Variants in MCPH1 observed in about 807,000 individuals in gnomAD.
MCPH1 encodes the protein microcephalin.
In MCPH1, 104 loss-of-function variants were observed where a neutral mutation model predicts 84.5. The observed-to-expected ratio is 1.23, with a 90% CI of 1.05 to 1.45. The LOEUF is 1.45. Ranked by LOEUF, MCPH1 falls within the 40% of genes most tolerant of loss-of-function variation. MCPH1 has a pLI of 0.00. For synonymous variants in MCPH1, 514 were observed against 366.8 expected, an observed-to-expected ratio of 1.40 and a Z score of -4.58; for missense variants, 1,498 against 1,005.7, an observed-to-expected ratio of 1.49 and a Z score of -6.62.
At chr8:6,471,170 AGCAAAGTACCAG>A (rs1807669553) in intron 9 of MCPH1, among the ~76,000 whole-genome samples, 1 of 152,150 alleles carries the variant, frequency 6.6e-6, no homozygotes, top group Non-Finnish European at 1.5e-5. Context: ...GAACACCGTA[AGCAAAGTACCAG>A]GCTTCTTTCC....
chr8:6,566,131 G>A (rs1826133890), intron 12 of MCPH1, among the ~76,000 whole-genome samples: 1 of 152,224 alleles, frequency 6.6e-6, no homozygotes, highest in South Asian at 2.1e-4. Context: ...CTTTATTCGT[G>A]ATACTGAAAT....
At chr8:6,569,595 G>A (rs1826492468) in intron 12 of MCPH1, among the ~76,000 whole-genome samples, 1 of 152,194 alleles carries the variant, frequency 6.6e-6, no homozygotes. Flanking sequence ...AGGTAGCTTT[G>A]GTCCCTATAA....
In MCPH1 at chr8:6,409,224, G is replaced by A; in HGVS notation, c.23-55G>A. ...AATGTAAATAGAACAAAATCTATTG[G>A]GCAGGGGATGCTGGAATTTCAAATG... On this transcript the variant is annotated intron_variant, in intron 1 of 13. Coordinates refer to ENST00000344683, the MANE Select transcript of MCPH1 (RefSeq NM_024596.5). 8 of 1,399,964 alleles carry A rather than the reference G, an allele frequency of 5.7e-6. No homozygotes were observed. In the South Asian group the frequency reaches 6.9e-5, roughly 12 times the overall value. 86.7% of individuals were successfully genotyped at this position (1,399,964 alleles called of 1,614,324 possible).
chr8:6,420,086 G>A (rs1475429005), intron 3 of MCPH1, among the ~76,000 whole-genome samples: 2 of 151,508 alleles, frequency 1.3e-5, no homozygotes, highest in African/African-American at 4.9e-5. Flanking sequence ...TATCTCGTTT[G>A]CGTTTTGTTT....
chr8:6,598,735 G>A (rs1400559467), intron 12 of MCPH1, among the ~76,000 whole-genome samples: 3 of 152,234 alleles, frequency 2.0e-5, no homozygotes, highest in Non-Finnish European at 4.4e-5. Flanking sequence ...AGCGCAGTGC[G>A]GCTCCCCCCT....
At chr8:6,442,256 A>T (rs1803630880) in intron 7 of MCPH1, 100 bp downstream of exon 7, 2 of 746,022 alleles carry the variant, frequency 2.7e-6, no homozygotes, top group African/African-American at 3.5e-5. Context: ...TGAGTAAAAT[A>T]ATTAGTTAAA....
intron 11 of MCPH1, among the ~76,000 whole-genome samples, chr8:6,489,593 T>C (rs971601923): frequency 3.9e-5 from 6 of 152,232 alleles, no homozygotes; most frequent in Non-Finnish European, 5.9e-5. Flanking sequence ...TTATGTGTAA[T>C]GGTGCGATTT....
intron 12 of MCPH1, among the ~76,000 whole-genome samples, chr8:6,593,605 C>T (rs1426306132): frequency 2.0e-5 from 3 of 152,132 alleles, no homozygotes; most frequent in Non-Finnish European, 4.4e-5. Context: ...CCACCCACCT[C>T]GGCCTCCCAA....
intron 12 of MCPH1, among the ~76,000 whole-genome samples, chr8:6,572,207 G>A (rs1164105643): frequency 6.6e-6 from 1 of 151,510 alleles, no homozygotes; most frequent in East Asian, 1.9e-4. Flanking sequence ...AATGAGTAAC[G>A]TTTTTTGAAA....
At position 6,452,891 on chromosome 8, in the gene MCPH1, C is replaced by G. The variant is rs146162185; in HGVS notation, c.1826-2252C>G. 9.2e-5 allele frequency among the ~76,000 whole-genome samples: 14 copies of G among 152,322 alleles called. No individual in the cohort carries two copies. In the East Asian group the frequency reaches 2.5e-3, roughly 27 times the overall value. ...CTGGGGTGTGTTGGAGGAAGAGCAG[C>G]TAAAGAGTGCATGTTCGTTGGAATT... On this transcript the variant is annotated intron_variant, in intron 8 of 13. Transcript: ENST00000344683.
At chr8:6,498,734 A>G in intron 11 of MCPH1, among the ~76,000 whole-genome samples, 1 of 152,030 alleles carries the variant, frequency 6.6e-6, no homozygotes, top group African/African-American at 2.4e-5. Context: ...TTAACCTTTT[A>G]TTTTCTGGTC....
chr8:6,420,995 A>T (rs530679936), intron 3 of MCPH1, among the ~76,000 whole-genome samples: 1 of 152,140 alleles, frequency 6.6e-6, no homozygotes, highest in South Asian at 2.1e-4. Context: ...ATGGAGGTCT[A>T]ATTTGATGTT....
chr8:6,476,874 C>G (rs1274443361), intron 9 of MCPH1, among the ~76,000 whole-genome samples: 1 of 152,072 alleles, frequency 6.6e-6, no homozygotes, highest in African/African-American at 2.4e-5. Flanking sequence ...CATACACATA[C>G]ACACACACTC....
chr8:6,490,011 C>A (rs1044441035), intron 11 of MCPH1, among the ~76,000 whole-genome samples: 1 of 152,124 alleles, frequency 6.6e-6, no homozygotes, highest in Non-Finnish European at 1.5e-5. Context: ...GTTGGTCTTT[C>A]CTTTTCTTTT....
chr8:6,455,015 AT>A (rs1585870334), intron 8 of MCPH1, 127 bp from the exon 9 acceptor site: 1 of 733,656 alleles, frequency 1.4e-6, no homozygotes, highest in African/African-American at 1.8e-5. Flanking sequence ...AGAGCCAGAT[AT>A]ATACAATTTA....
chr8:6,501,184 T>C (rs1174691317), intron 12 of MCPH1: 2 of 152,220 alleles, frequency 1.3e-5, no homozygotes, highest in East Asian at 3.8e-4. Context: ...AGCCTTGACT[T>C]TGCCAGAGTC....
At chr8:6,526,200 G>T (rs965908897) in intron 12 of MCPH1, among the ~76,000 whole-genome samples, 1 of 147,414 alleles carries the variant, frequency 6.8e-6, no homozygotes, top group Non-Finnish European at 1.5e-5. Flanking sequence ...TGGGCAGAAG[G>T]CTTAAATTCA....
At chr8:6,630,772 ACT>A (rs1797098750) in intron 13 of MCPH1, among the ~76,000 whole-genome samples, 1 of 145,432 alleles carries the variant, frequency 6.9e-6, no homozygotes, top group African/African-American at 2.6e-5. Flanking sequence ...CTAGAGCAAA[ACT>A]CTGTCCTAAA....
intron 11 of MCPH1, chr8:6,494,475 C>G (rs923944825): frequency 6.6e-6 from 1 of 152,166 alleles, no homozygotes; most frequent in Admixed American, 6.5e-5. Flanking sequence ...AAGGCAGTTT[C>G]TTTATCTGTA....
Sources: gnomAD v4.1 joint callset for allele counts (sites outside exome capture counted in the v4.1 genomes callset) on GRCh38, gnomAD v4.1.1 for gene constraint, MANE v1.5 for transcripts, NCBI Gene and HGNC (gene_info 2026-07-23, HGNC 2026-07-21) for gene names.